Variants in PUS1 observed in about 807,000 individuals in gnomAD.
PUS1 encodes the protein pseudouridylate synthase 1 homolog.
Under a neutral mutation model 38.5 loss-of-function variants are expected in PUS1, and 25 were observed. That is an observed-to-expected ratio of 0.65 (90% CI 0.47 to 0.91). The LOEUF (loss-of-function observed/expected upper bound fraction) is 0.91. Ranked by LOEUF, PUS1 falls within the 40% of genes least tolerant of loss-of-function variation. PUS1 has a pLI of 0.00. For synonymous variants in PUS1, 282 were observed against 260.4 expected, an observed-to-expected ratio of 1.08 and a Z score of -0.80; for missense variants, 597 against 612.3, an observed-to-expected ratio of 0.97 and a Z score of 0.26.
intron 2 of PUS1, among the ~76,000 whole-genome samples, chr12:131,930,366 G>C (rs1478178606): frequency 6.6e-6 from 1 of 152,222 alleles, no homozygotes; most frequent in Non-Finnish European, 1.5e-5. Flanking sequence ...ATCTGGGGCG[G>C]GGTTCACTTG....
intron 3 of PUS1, among the ~76,000 whole-genome samples, chr12:131,937,400 G>A (rs1464356241): frequency 1.3e-5 from 2 of 152,080 alleles, no homozygotes; most frequent in Non-Finnish European, 2.9e-5. Context: ...TTGAGATGGA[G>A]TTTCACTCTT....
chr12:131,940,772 G>A (rs1176891459), intron 4 of PUS1, among the ~76,000 whole-genome samples: 5 of 151,920 alleles, frequency 3.3e-5, no homozygotes, highest in Admixed American at 2.0e-4. Flanking sequence ...AGTAGAGATG[G>A]TGTTTCACCA....
chr12:131,941,697 G>T lies in PUS1; in HGVS notation c.950G>T (p.Ser317Ile), dbSNP rs370427981. The stretch of plus-strand genomic sequence containing the variant: ...GCCCCTGAGAGCGTGCTGGAGCGCA[G>T]CTGGGGCACAGAGAAGGTGGACGTG... The part of the protein sequence containing the change: ...GYAPESVLER[S>I]WGTEKVDVPK... The change falls in exon 5 of 6, where the codon AGC becomes ATC. Residue 317 changes from serine (S) to isoleucine (I), a missense_variant. Transcript: ENST00000376649. This position sits in a 1 kb window ranked among gnomAD's most constrained non-coding sequence, Gnocchi z 4.4. 1 of 1,614,110 alleles carries T rather than the reference G, an allele frequency of 6.2e-7. No homozygotes were observed. Among genetic ancestry groups the T allele is most frequent in the Non-Finnish European group, 8.5e-7 (1 of 1,180,050 alleles).
rs146775577 is a variant in PUS1 at position 131,943,447 on chromosome 12, C to T, written c.1237-92C>T. On this transcript the variant is annotated intron_variant, in intron 5 of 5. Coordinates refer to ENST00000376649, the MANE Select transcript of PUS1 (RefSeq NM_025215.6). ...ATGAGGGAGTGGTGGGGGCAAGGCT[C>T]CTGTGCCAAGCCTGTCATGGGCCCC... The T allele has an allele frequency of 2.3e-3, 2,413 of 1,032,478 alleles. 6 individuals carry two copies. Among genetic ancestry groups the T allele is most frequent in the Non-Finnish European group, 3.1e-3 (2,029 of 651,052 alleles). 64.0% of individuals were successfully genotyped at this position (1,032,478 alleles called of 1,614,324 possible).
chr12:131,945,464 T>C lies in PUS1; in HGVS notation c.*1878T>C, dbSNP rs1420194865. 6.6e-6 allele frequency: 1 copy of C among 152,232 alleles called. No individual in the cohort carries two copies. Among genetic ancestry groups the C allele is most frequent in the Non-Finnish European group, 1.5e-5 (1 of 68,052 alleles). The allele number at this position is 152,232 out of a possible 1,614,324, so 9.4% of individuals were successfully genotyped here. ...AAGCAGGAGCTTGGTTCTAAGCATG[T>C]TAATTTTACCTGGGATAGACAGGAC... On this transcript the variant is annotated 3_prime_UTR_variant, in exon 6 of 6. Transcript: ENST00000376649.
rs1891259773 is a variant in PUS1 at position 131,945,636 on chromosome 12, A to G, written c.*2050A>G. ...CTCAGCCTCCAGAGTAGCTGAGAGT[A>G]CAGGTGCCCGCTGCCACGCCCGGCT... is the stretch of plus-strand genomic sequence containing the variant. On this transcript the variant is annotated 3_prime_UTR_variant, in exon 6 of 6. Coordinates refer to ENST00000376649, the MANE Select transcript of PUS1 (RefSeq NM_025215.6). 1 of 152,196 alleles carries G rather than the reference A, an allele frequency of 6.6e-6. No homozygotes were observed. The highest frequency in any genetic ancestry group is 2.1e-4 in the South Asian group (1 of 4,826). 9.4% of individuals were successfully genotyped at this position (152,196 alleles called of 1,614,324 possible).
At chr12:131,929,829 G>A (rs753225111) in intron 1 of PUS1, 33 bp downstream of exon 1, 11 of 1,480,314 alleles carry the variant, frequency 7.4e-6, no homozygotes, top group Non-Finnish European at 1.0e-5. Context: ...ACCCCGCTAT[G>A]CCCGCCCAGC....
intron 3 of PUS1, among the ~76,000 whole-genome samples, chr12:131,933,885 A>G (rs576809406): frequency 6.6e-6 from 1 of 152,220 alleles, no homozygotes; most frequent in Non-Finnish European, 1.5e-5. Flanking sequence ...CGAACCTGAT[A>G]GTGGCCCCAA....
chr12:131,934,217 T>A (rs1890728595), intron 3 of PUS1, among the ~76,000 whole-genome samples: 1 of 152,204 alleles, frequency 6.6e-6, no homozygotes, highest in Admixed American at 6.5e-5. Context: ...CACAGGGAGC[T>A]GTTTAAGCCC....
At chr12:131,943,394 C>T (rs115682456) in intron 5 of PUS1, 145 bp from the exon 6 acceptor site, 15 of 769,548 alleles carry the variant, frequency 1.9e-5, no homozygotes, top group South Asian at 1.2e-4. Context: ...AGAGAATGAC[C>T]GAGAACAAAC....
Position 131,941,062 on chromosome 12 carries a change from G to C in PUS1, c.545-230G>C, listed in dbSNP as rs1286018741. On this transcript the variant is annotated intron_variant, in intron 4 of 5. Coordinates refer to ENST00000376649, the MANE Select transcript of PUS1 (RefSeq NM_025215.6). This position sits in a 1 kb window ranked among gnomAD's most constrained non-coding sequence, Gnocchi z 4.4. ...TATTGGAAAATTACAATAAATGGTT[G>C]TAAATTCAGTCACCTTATAGAGCAC... The C allele has an allele frequency of 1.8e-6, 1 of 568,678 alleles. No individual in the cohort carries two copies. Among genetic ancestry groups the C allele is most frequent in the Non-Finnish European group, 3.1e-6 (1 of 318,088 alleles). 35.2% of individuals were successfully genotyped at this position (568,678 alleles called of 1,614,324 possible).
intron 4 of PUS1, among the ~76,000 whole-genome samples, chr12:131,940,738 C>T (rs990745210): frequency 4.6e-5 from 7 of 152,092 alleles, no homozygotes; most frequent in African/African-American, 7.2e-5. Flanking sequence ...CACGCCACCA[C>T]GCCCAGCTAA....
At position 131,929,479 on chromosome 12, in the gene PUS1, G is replaced by C. The variant is rs886049091; in HGVS notation, c.-244G>C. The C allele has an allele frequency of 4.6e-4, 210 of 451,844 alleles. No homozygotes were observed. Among genetic ancestry groups the C allele is most frequent in the Non-Finnish European group, 6.8e-4 (174 of 256,358 alleles). 28.0% of individuals were successfully genotyped at this position (451,844 alleles called of 1,614,324 possible). A position where few individuals can be genotyped will look rare whatever the true frequency, so the allele number is the denominator to read the frequency against. On this transcript the variant is annotated 5_prime_UTR_variant, in exon 1 of 6. Coordinates refer to ENST00000376649, the MANE Select transcript of PUS1 (RefSeq NM_025215.6). The stretch of plus-strand genomic sequence containing the variant: ...GGCGGTCTGGGGGCAGTAGAGACGG[G>C]GCTTGGGCGCGGGGCCTGAGAGGTC...
rs1457306015 is a variant in PUS1 at position 131,944,006 on chromosome 12, G to A, written c.*420G>A. ...GCTCAGCCTGTAATCCCAGCACTTG[G>A]GAGGCTGAGGTGGGCAGATCGCTTG... is the stretch of plus-strand genomic sequence containing the variant. On this transcript the variant is annotated 3_prime_UTR_variant, in exon 6 of 6. Coordinates refer to ENST00000376649, the MANE Select transcript of PUS1 (RefSeq NM_025215.6). 2 of 252,962 alleles carry A rather than the reference G, an allele frequency of 7.9e-6. No homozygotes were observed. Among genetic ancestry groups the A allele is most frequent in the Non-Finnish European group, 1.6e-5 (2 of 127,134 alleles). The allele number at this position is 252,962 out of a possible 1,614,324, so 15.7% of individuals were successfully genotyped here.
At chr12:131,939,914 A>G (rs1021954607) in intron 4 of PUS1, among the ~76,000 whole-genome samples, 3 of 151,362 alleles carry the variant, frequency 2.0e-5, no homozygotes, top group Admixed American at 1.3e-4. Flanking sequence ...AGCCGCTTAT[A>G]TTTAATGTAA....
chr12:131,932,791 C>T (rs1478797243), intron 3 of PUS1: 5 of 449,826 alleles, frequency 1.1e-5, no homozygotes, highest in Non-Finnish European at 1.8e-5. Context: ...CAGTCTCAAA[C>T]TGCTGGGCTC....
In PUS1 at chr12:131,929,624, C is replaced by T; in HGVS notation, c.-99C>T. The T allele has an allele frequency of 9.6e-7, 1 of 1,037,908 alleles. No individual in the cohort carries two copies. The highest frequency in any genetic ancestry group is 3.0e-5 in the East Asian group (1 of 33,182). 64.3% of individuals were successfully genotyped at this position (1,037,908 alleles called of 1,614,324 possible). On this transcript the variant is annotated 5_prime_UTR_variant, in exon 1 of 6. Transcript: ENST00000376649. ...GTCAGAAGGAACAGGGCTGCAGCGT[C>T]AGGGTCCGAGAGGTTAGGGGTCGGC...
chr12:131,933,116 T>C (rs1380772827), intron 3 of PUS1, among the ~76,000 whole-genome samples: 1 of 151,954 alleles, frequency 6.6e-6, no homozygotes, highest in Non-Finnish European at 1.5e-5. Flanking sequence ...ACTTGGGGAT[T>C]ACCTTCAACA....
intron 4 of PUS1, among the ~76,000 whole-genome samples, chr12:131,940,646 C>T (rs1206161513): frequency 1.3e-5 from 2 of 152,086 alleles, no homozygotes; most frequent in Admixed American, 6.5e-5. Flanking sequence ...GGCGTGATCT[C>T]GGCTCACTGC....
Sources: gnomAD v4.1 joint callset for allele counts (sites outside exome capture counted in the v4.1 genomes callset) on GRCh38, gnomAD v4.1.1 for gene constraint, Gnocchi (gnomAD v3.1) non-coding constraint, MANE v1.5 for transcripts, NCBI Gene and HGNC (gene_info 2026-07-23, HGNC 2026-07-21) for gene names.